VPS53: variants seen among roughly 807,000 people sequenced by gnomAD.
The protein encoded by VPS53 is VPS53 subunit of GARP complex.
In VPS53, 70 loss-of-function variants were observed where a neutral mutation model predicts 107.0. That is an observed-to-expected ratio of 0.65 (90% confidence interval 0.54 to 0.80). VPS53 has a LOEUF of 0.80. VPS53 is among the 30% of genes least tolerant of loss of function. The pLI is 0.00. For synonymous variants in VPS53, 409 were observed against 393.3 expected (o/e 1.04, Z -0.47); for missense variants, 917 against 1,049.4 (o/e 0.87, Z 1.74).
Position 532,904 on chromosome 17 carries a change from T to C in VPS53, c.2023A>G (p.Ile675Val), listed in dbSNP as rs746895090. 55 of 1,613,672 alleles carry C rather than the reference T, an allele frequency of 3.4e-5. No homozygotes were observed. The highest frequency in any genetic ancestry group is 1.7e-6 in the Non-Finnish European group (2 of 1,179,856). The change falls in exon 19 of 22, where the codon ATT (isoleucine) becomes GTT (valine). Residue 675 changes from isoleucine (I) to valine (V), a missense_variant. Coordinates refer to ENST00000437048, the MANE Select transcript of VPS53 (RefSeq NM_001128159.3). Reference sequence around the variant, plus strand: ...AAGAGGTGGGTGATGAATTTGGGAATGAAGGAGCTGTGGATAAAAAAGAAG... The same window carrying C: ...AAGAGGTGGGTGATGAATTTGGGAACGAAGGAGCTGTGGATAAAAAAGAAG... ...QFCVKFANSF[I>V]PKFITHLFKC... is the part of the protein sequence containing the mutation.
At chr17:675,754 G>C (rs1357335638) in intron 4 of VPS53, 1 of 122,950 alleles carries the variant, frequency 8.1e-6, no homozygotes. Context: ...GCGACAGGGC[G>C]AGACTCCCAT....
chr17:587,925 A>G (rs1345071220), intron 12 of VPS53, among the ~76,000 whole-genome samples: 1 of 152,194 alleles, frequency 6.6e-6, no homozygotes, highest in Non-Finnish European at 1.5e-5. Context: ...GAGGATAAGT[A>G]CACACCCACA....
chr17:524,924 A>C lies in VPS53; in HGVS notation c.2086-3186T>G, dbSNP rs1204279519. 6.6e-6 allele frequency among the ~76,000 whole-genome samples: 1 copy of C among 152,244 alleles called. No individual in the cohort carries two copies. The highest frequency in any genetic ancestry group is 1.5e-5 in the Non-Finnish European group (1 of 68,048). ...CCTTAGCTGGAGATGTGTATCACCC[A>C]TAACACAGCATTAATACTTATATCC... On this transcript the variant is annotated intron_variant, in intron 19 of 21. Coordinates refer to ENST00000437048, the MANE Select transcript of VPS53 (RefSeq NM_001128159.3). The surrounding 1 kb of genome is among the most constrained non-coding windows in gnomAD (Gnocchi z 4.5).
intron 13 of VPS53, among the ~76,000 whole-genome samples, chr17:584,880 C>T (rs1364456144): frequency 6.6e-6 from 1 of 152,074 alleles, no homozygotes; most frequent in Non-Finnish European, 1.5e-5. Flanking sequence ...AAATCAGAAT[C>T]CATGAGTTCA....
intron 9 of VPS53, 137 bp downstream of exon 9, chr17:627,951 G>T: frequency 1.2e-6 from 1 of 814,326 alleles, no homozygotes; most frequent in Non-Finnish European, 1.8e-6. Flanking sequence ...TATAAACTCA[G>T]CCCCTAGGAC....
intron 4 of VPS53, chr17:676,464 A>G (rs759458444): frequency 2.0e-5 from 3 of 152,256 alleles, no homozygotes; most frequent in Non-Finnish European, 4.4e-5. Flanking sequence ...ACTAGCAATC[A>G]AAAGCAAGAG....
At chr17:612,016 C>T (rs1366776517) in intron 11 of VPS53, among the ~76,000 whole-genome samples, 3 of 151,482 alleles carry the variant, frequency 2.0e-5, no homozygotes, top group Non-Finnish European at 4.4e-5. Flanking sequence ...TGAATTCACA[C>T]AGTGAAAACC....
chr17:546,329 T>A (rs375467971), intron 17 of VPS53, among the ~76,000 whole-genome samples: 1,508 of 131,978 alleles, frequency 0.011, 43 homozygotes, highest in African/African-American at 0.024. Context: ...CTTAGATATC[T>A]CACACACACA....
intron 4 of VPS53, chr17:675,529 T>C (rs943739641): frequency 6.6e-5 from 10 of 152,054 alleles, no homozygotes; most frequent in African/African-American, 2.4e-4. Context: ...ATCACAACAC[T>C]TTGGGAGGCA....
intron 7 of VPS53, among the ~76,000 whole-genome samples, chr17:642,867 A>C (rs1447211266): frequency 3.9e-4 from 57 of 145,548 alleles, no homozygotes; most frequent in Non-Finnish European, 6.4e-4. Context: ...TCATACTTGG[A>C]AATCGAGGAC....
At chr17:683,691 T>C (rs1193065454) in intron 4 of VPS53, among the ~76,000 whole-genome samples, 2 of 152,210 alleles carry the variant, frequency 1.3e-5, no homozygotes, top group African/African-American at 4.8e-5. Flanking sequence ...CAATACAATT[T>C]ACTTCTTCAA....
At chr17:559,377 T>C (rs1299580532) in intron 15 of VPS53, among the ~76,000 whole-genome samples, 3 of 152,236 alleles carry the variant, frequency 2.0e-5, no homozygotes, top group Admixed American at 2.0e-4. Context: ...TAAACAGTGT[T>C]TCTTCATGAA....
Position 517,651 on chromosome 17 carries a change from C to G in VPS53, c.*1477G>C, listed in dbSNP as rs552260165. Reference sequence around the variant, plus strand: ...TCTCCTGCCTCAGCCTCCCCAGTAGCTGGGATTACAGGCACTCGCCATGAC... The same window carrying G: ...TCTCCTGCCTCAGCCTCCCCAGTAGGTGGGATTACAGGCACTCGCCATGAC... On this transcript the variant is annotated 3_prime_UTR_variant, in exon 22 of 22. Coordinates refer to ENST00000437048, the MANE Select transcript of VPS53 (RefSeq NM_001128159.3). The G allele has an allele frequency of 1.0e-4, 39 of 375,498 alleles. No individual in the cohort carries two copies. The highest frequency in any genetic ancestry group is 7.7e-4 in the African/African-American group (37 of 48,168). 23.3% of individuals were successfully genotyped at this position (375,498 alleles called of 1,614,324 possible).
chr17:631,975 G>A (rs181604365), intron 7 of VPS53, among the ~76,000 whole-genome samples: 2 of 152,288 alleles, frequency 1.3e-5, no homozygotes, highest in East Asian at 1.9e-4. Context: ...CTAGCTGGGC[G>A]CAGTGGTTCA....
rs73283513 is a variant in VPS53 at position 686,999 on chromosome 17, C to G, written c.285+10419G>C. 9.9e-3 allele frequency among the ~76,000 whole-genome samples: 1,509 copies of G among 151,946 alleles called. 24 individuals are homozygous for G. Among genetic ancestry groups the G allele is most frequent in the African/African-American group, 0.034 (1,413 of 41,460 alleles). ...TCATCTACACAATACTTAAAAATTACATTAGCTGGGCGCAGTGGCTCACGC... is the reference window on the plus strand; with the variant it reads ...TCATCTACACAATACTTAAAAATTAGATTAGCTGGGCGCAGTGGCTCACGC... On this transcript the variant is annotated intron_variant, in intron 4 of 21. Transcript: ENST00000437048.
intron 18 of VPS53, among the ~76,000 whole-genome samples, chr17:534,641 G>C (rs1203466407): frequency 2.6e-5 from 4 of 152,198 alleles, no homozygotes; most frequent in African/African-American, 9.7e-5. Context: ...CTCCGGACTG[G>C]GCATGGCAGC....
At chr17:667,501 G>T (rs1161527398) in intron 4 of VPS53, among the ~76,000 whole-genome samples, 1 of 104,762 alleles carries the variant, frequency 9.5e-6, no homozygotes, top group Non-Finnish European at 1.8e-5. Flanking sequence ...TTCTGGGGGG[G>T]GCAATGGGTT....
intron 1 of VPS53, among the ~76,000 whole-genome samples, chr17:713,669 A>G (rs1973726161): frequency 6.9e-6 from 1 of 145,982 alleles, no homozygotes; most frequent in East Asian, 2.0e-4. Flanking sequence ...AAAAAAAAAG[A>G]AAAAAAGAAA....
intron 7 of VPS53, among the ~76,000 whole-genome samples, chr17:650,613 T>C (rs1970905585): frequency 6.6e-6 from 1 of 152,174 alleles, no homozygotes; most frequent in Admixed American, 6.5e-5. Context: ...ATATCAAGTG[T>C]TGCTGAGGGT....
Sources: allele counts gnomAD v4.1 joint callset (sites outside exome capture counted in the v4.1 genomes callset), GRCh38; gene constraint gnomAD v4.1.1; non-coding constraint Gnocchi (gnomAD v3.1); transcripts MANE v1.5; gene names NCBI Gene and HGNC (gene_info 2026-07-23, HGNC 2026-07-21).